Variants in CDHR3 observed in about 807,000 individuals in gnomAD.
CDHR3 encodes cadherin-related family member 3.
In CDHR3, 79 loss-of-function variants were observed where a neutral mutation model predicts 86.6. The ratio of observed to expected loss-of-function variants is 0.91; its 90% CI spans 0.76 to 1.10. The LOEUF (loss-of-function observed/expected upper bound fraction) is 1.10. Among genes scored for constraint, CDHR3 ranks in the 50% least tolerant of loss-of-function variants. The pLI is 0.00. For synonymous variants in CDHR3, 421 were observed against 402.4 expected (o/e 1.05, Z -0.55); for missense variants, 1,081 against 1,077.6 (o/e 1.00, Z -0.04).
chr7:105,980,985 G>A lies in CDHR3; in HGVS notation c.267G>A (p.Met89Ile). The change falls in exon 3 of 19, where the codon ATG becomes ATA. Residue 89 changes from methionine (M) to isoleucine (I), a missense_variant. Transcript: ENST00000317716. Reference sequence around the variant, plus strand: ...TGTTTTAGGTTGTCACCACTGGGATGGAACAACTAGATTTTGAAACAGGAC... The same window carrying A: ...TGTTTTAGGTTGTCACCACTGGGATAGAACAACTAGATTTTGAAACAGGAC... ...GTYFEVVTTG[M>I]EQLDFETGPN... The A allele has an allele frequency of 1.2e-6, 2 of 1,608,298 alleles. No homozygotes were observed. The highest frequency in any genetic ancestry group is 1.7e-5 in the Admixed American group (1 of 59,130).
rs1378936325 is a variant in CDHR3, at chr7:105,979,326, G to A, written c.250-1642G>A. The stretch of plus-strand genomic sequence containing the variant: ...GAGACCAGTTCATCTACACTTACGT[G>A]GCTCCTAGGTTGCCTCTGTTCACCA... On this transcript the variant is annotated intron_variant, in intron 2 of 18. Transcript: ENST00000317716. 2.6e-5 allele frequency among the ~76,000 whole-genome samples: 4 copies of A among 152,138 alleles called. No individual in the cohort carries two copies. In the East Asian group the frequency reaches 7.7e-4, roughly 29 times the overall value.
At chr7:105,983,577 G>T (rs1315174907) in intron 3 of CDHR3, among the ~76,000 whole-genome samples, 1 of 152,090 alleles carries the variant, frequency 6.6e-6, no homozygotes, top group East Asian at 1.9e-4. Context: ...GCCCGAGTGA[G>T]AGCTCTGTGG....
In CDHR3 at chr7:106,000,434, T is replaced by C. The variant is rs371739263; in HGVS notation, c.714-1028T>C. The stretch of plus-strand genomic sequence containing the variant: ...TACCTACCTTATAGGGATGGTGAGA[T>C]AGCACAGCAGAAATATTCTGAGCTC... On this transcript the variant is annotated intron_variant, in intron 6 of 18. Coordinates refer to ENST00000317716, the MANE Select transcript of CDHR3 (RefSeq NM_152750.5). 7.2e-5 allele frequency among the ~76,000 whole-genome samples: 11 copies of C among 152,308 alleles called. No individual in the cohort carries two copies. In the East Asian group the frequency reaches 1.7e-3, roughly 24 times the overall value.
Position 106,022,064 on chromosome 7 carries a change from G to A in CDHR3, c.1826-134G>A, listed in dbSNP as rs1836647456. 2.8e-6 allele frequency: 3 copies of A among 1,073,328 alleles called. No homozygotes were observed. In the East Asian group the frequency reaches 7.1e-5, roughly 25 times the overall value. The allele number at this position is 1,073,328 out of a possible 1,614,324, so 66.5% of individuals were successfully genotyped here. A position where few individuals can be genotyped will look rare whatever the true frequency, so the allele number is the denominator to read the frequency against. On this transcript the variant is annotated intron_variant, in intron 13 of 18. Coordinates refer to ENST00000317716, the MANE Select transcript of CDHR3 (RefSeq NM_152750.5). ...GTAGCATATAACTAATCCAGCTCTGGTGTATCAGAGACACAGTCTACACTT... is the reference window on the plus strand; with the variant it reads ...GTAGCATATAACTAATCCAGCTCTGATGTATCAGAGACACAGTCTACACTT...
At chr7:106,003,367 G>A (rs1211624920) in intron 7 of CDHR3, among the ~76,000 whole-genome samples, 1 of 152,032 alleles carries the variant, frequency 6.6e-6, no homozygotes, top group Non-Finnish European at 1.5e-5. Flanking sequence ...TCTCTGAAGG[G>A]GACTTCTCTG....
chr7:105,971,599 G>T (rs972150910), intron 1 of CDHR3, among the ~76,000 whole-genome samples: 1 of 152,188 alleles, frequency 6.6e-6, no homozygotes, highest in Non-Finnish European at 1.5e-5. Context: ...AATTATCAAA[G>T]TTATGATCAA....
At chr7:105,966,390 C>T (rs1310941336) in intron 1 of CDHR3, among the ~76,000 whole-genome samples, 5 of 152,170 alleles carry the variant, frequency 3.3e-5, no homozygotes, top group East Asian at 3.8e-4. Context: ...TGAGTTTGTC[C>T]GCAAGCTCTG....
At chr7:106,024,615 T>G (rs1436887445) in intron 15 of CDHR3, 53 bp downstream of exon 15, 6 of 1,551,196 alleles carry the variant, frequency 3.9e-6, no homozygotes, top group African/African-American at 1.4e-5. Flanking sequence ...GGACACTGTT[T>G]CTGGTGACAT....
intron 13 of CDHR3, among the ~76,000 whole-genome samples, chr7:106,020,931 G>T (rs1296508758): frequency 1.3e-5 from 2 of 152,142 alleles, no homozygotes; most frequent in Non-Finnish European, 2.9e-5. Flanking sequence ...AGAAAAGGGT[G>T]AACCCCCCAA....
intron 1 of CDHR3, among the ~76,000 whole-genome samples, chr7:105,972,073 G>A (rs1251352974): frequency 6.6e-6 from 1 of 152,090 alleles, no homozygotes; most frequent in Non-Finnish European, 1.5e-5. Flanking sequence ...CATGAGCCAG[G>A]GCCCTCCATG....
Position 105,994,824 on chromosome 7 carries a change from A to G in CDHR3, c.587A>G (p.Asp196Gly). 1 of 1,610,728 alleles carries G rather than the reference A, an allele frequency of 6.2e-7. No individual in the cohort carries two copies. Among genetic ancestry groups the G allele is most frequent in the Non-Finnish European group, 8.5e-7 (1 of 1,178,330 alleles). ...ACCCTCTTCTCCACAACAGAATTGG[A>G]CTTTGAAGCAGGACACAGAAGGTAG... ...NGTLFSTTELDFEAGHRSFHL... is the reference protein window; with the variant it reads ...NGTLFSTTELGFEAGHRSFHL... The change falls in exon 5 of 19, where the codon GAC (aspartate) becomes GGC (glycine). Residue 196 changes from aspartate (D) to glycine (G), a missense_variant. Coordinates refer to ENST00000317716, the MANE Select transcript of CDHR3 (RefSeq NM_152750.5).
At chr7:105,985,751 T>C (rs1427146326) in intron 4 of CDHR3, among the ~76,000 whole-genome samples, 1 of 152,236 alleles carries the variant, frequency 6.6e-6, no homozygotes, top group East Asian at 1.9e-4. Flanking sequence ...TTAATGGGTG[T>C]CTATGTGTTA....
chr7:105,995,974 C>T (rs75274155), intron 5 of CDHR3, among the ~76,000 whole-genome samples: 176 of 152,182 alleles, frequency 1.2e-3, no homozygotes, highest in African/African-American at 3.9e-3. Flanking sequence ...TGAAAAACAC[C>T]GGGATAGATG....
At position 106,030,906 on chromosome 7, in the gene CDHR3, A is replaced by T; in HGVS notation, c.2353+66A>T. The T allele has an allele frequency of 6.9e-7, 1 of 1,443,084 alleles. No individual in the cohort carries two copies. The highest frequency in any genetic ancestry group is 9.6e-7 in the Non-Finnish European group (1 of 1,042,924). 89.4% of individuals were successfully genotyped at this position (1,443,084 alleles called of 1,614,324 possible). A position where few individuals can be genotyped will look rare whatever the true frequency, so the allele number is the denominator to read the frequency against. ...TTCCAGACTGGTAGAAGCATGGAGGATCTTATCCAATTTCCTGCTTTTAGC... is the reference window on the plus strand; with the variant it reads ...TTCCAGACTGGTAGAAGCATGGAGGTTCTTATCCAATTTCCTGCTTTTAGC... On this transcript the variant is annotated intron_variant, in intron 18 of 18. Coordinates refer to ENST00000317716, the MANE Select transcript of CDHR3 (RefSeq NM_152750.5). The surrounding 1 kb of genome is among the most constrained non-coding windows in gnomAD (Gnocchi z 4.8).
rs1838883953 is a variant in CDHR3, at chr7:106,035,883, G to A, written c.*3186G>A. 6.6e-6 allele frequency: 1 copy of A among 152,176 alleles called. No homozygotes were observed. Among genetic ancestry groups the A allele is most frequent in the African/African-American group, 2.4e-5 (1 of 41,440 alleles). 9.4% of individuals were successfully genotyped at this position (152,176 alleles called of 1,614,324 possible). A position where few individuals can be genotyped will look rare whatever the true frequency, so the allele number is the denominator to read the frequency against. On this transcript the variant is annotated 3_prime_UTR_variant, in exon 19 of 19. Coordinates refer to ENST00000317716, the MANE Select transcript of CDHR3 (RefSeq NM_152750.5). ...TTGGTTACAGACAGCCAATTTCCCA[G>A]CGTTGACCAGGTTTTGGGGGGAACA...
Position 105,969,428 on chromosome 7 carries a change from G to A in CDHR3, c.47-5416G>A, listed in dbSNP as rs950059487. ...AAAAAAAAAAAAAAAAAAGTGTTTCGTTGTAACCGTGGGTCCTAGGAGTTT... is the reference window on the plus strand; with the variant it reads ...AAAAAAAAAAAAAAAAAAGTGTTTCATTGTAACCGTGGGTCCTAGGAGTTT... On this transcript the variant is annotated intron_variant, in intron 1 of 18. Coordinates refer to ENST00000317716, the MANE Select transcript of CDHR3 (RefSeq NM_152750.5). 1.7e-4 allele frequency among the ~76,000 whole-genome samples: 25 copies of A among 147,618 alleles called. No homozygotes were observed. In the East Asian group the frequency reaches 4.8e-3, roughly 28 times the overall value.
Position 105,965,964 on chromosome 7 carries a change from A to G in CDHR3, c.46+2600A>G, listed in dbSNP as rs1454560065. Among the ~76,000 whole-genome samples the G allele has an allele frequency of 2.0e-5, 3 of 152,228 alleles. No homozygotes were observed. The East Asian group carries it at 5.8e-4, about 29-fold the overall frequency. The stretch of plus-strand genomic sequence containing the variant: ...GCTTTAGATCTTCTTCCTGCTTGAT[A>G]TTGACATTTAAATTCACTTCTGTCC... On this transcript the variant is annotated intron_variant, in intron 1 of 18. Coordinates refer to ENST00000317716, the MANE Select transcript of CDHR3 (RefSeq NM_152750.5).
At chr7:105,989,433 T>C (rs1212669393) in intron 4 of CDHR3, among the ~76,000 whole-genome samples, 2 of 152,054 alleles carry the variant, frequency 1.3e-5, no homozygotes, top group African/African-American at 4.8e-5. Flanking sequence ...TCTTTTGGCC[T>C]TTCCATTGAG....
chr7:105,974,974 T>TC lies in CDHR3; in HGVS notation c.181dup (p.Gln61ProfsTer10), dbSNP rs1245566927. The TC allele has an allele frequency of 2.5e-6, 4 of 1,613,866 alleles. No homozygotes were observed. In the African/African-American group the frequency reaches 4.0e-5, roughly 16 times the overall value. On this transcript the variant is annotated frameshift_variant, in exon 2 of 19. Transcript: ENST00000317716. LOFTEE classifies it high-confidence loss of function. ...CATTGTCACCTGTGATCCCAGGATT[T>TC]CCCCAGATAGTCAACTCAAATCCCC...
Sources: allele counts gnomAD v4.1 joint callset (sites outside exome capture counted in the v4.1 genomes callset), GRCh38; gene constraint gnomAD v4.1.1; non-coding constraint Gnocchi (gnomAD v3.1); transcripts MANE v1.5; gene names NCBI Gene and HGNC (gene_info 2026-07-23, HGNC 2026-07-21).